The following FARP1 variants were observed in gnomAD, a reference collection of about 807,000 sequenced individuals.
FARP1 encodes the protein FERM, ARH/RhoGEF and pleckstrin domain protein 1, also known as FERM, ARHGEF and pleckstrin domain-containing protein 1.
Under a neutral mutation model 128.8 loss-of-function variants are expected in FARP1, and 52 were observed. The ratio of observed to expected loss-of-function variants is 0.40; its 90% CI spans 0.32 to 0.51. FARP1 has a LOEUF of 0.51. Among genes scored for constraint, FARP1 ranks in the 20% least tolerant of loss-of-function variants. The pLI is 0.45. For synonymous variants in FARP1, 580 were observed against 551.8 expected (o/e 1.05, Z -0.72); for missense variants, 1,333 against 1,367.9 (o/e 0.97, Z 0.40).
At chr13:98,277,918 T>C (rs1884735059) in intron 2 of FARP1, among the ~76,000 whole-genome samples, 1 of 103,458 alleles carries the variant, frequency 9.7e-6, no homozygotes, top group Admixed American at 9.6e-5. Context: ...GGTGATTCTA[T>C]TGTGCAGCGA....
chr13:98,269,739 C>T (rs1884297126), intron 2 of FARP1, among the ~76,000 whole-genome samples: 1 of 152,160 alleles, frequency 6.6e-6, no homozygotes, highest in African/African-American at 2.4e-5. Context: ...ACTACTGGGA[C>T]TATATTGCCT....
intron 2 of FARP1, among the ~76,000 whole-genome samples, chr13:98,239,570 G>A (rs1882643386): frequency 6.6e-6 from 1 of 152,190 alleles, no homozygotes; most frequent in Non-Finnish European, 1.5e-5. Context: ...CTGATCTCCA[G>A]CATGAGTGGG....
At chr13:98,210,507 T>A (rs1015768273) in intron 1 of FARP1, among the ~76,000 whole-genome samples, 1 of 151,974 alleles carries the variant, frequency 6.6e-6, no homozygotes, top group African/African-American at 2.4e-5. Context: ...CTGCCCTGAT[T>A]TCAAACTTTC....
At chr13:98,366,028 T>C (rs1594450056) in intron 4 of FARP1, among the ~76,000 whole-genome samples, 1 of 152,206 alleles carries the variant, frequency 6.6e-6, no homozygotes, top group East Asian at 1.9e-4. Context: ...AGAAAAAGAA[T>C]GCTTCCTTTT....
At chr13:98,142,636 C>T (rs1397488572), upstream of FARP1, 1 of 152,366 alleles carries the variant, frequency 6.6e-6, no homozygotes, top group Non-Finnish European at 1.5e-5. Context: ...TCGGTGGGTC[C>T]CTGAAGACTG....
intron 13 of FARP1, chr13:98,403,222 C>T (rs1223987492): frequency 1.3e-5 from 2 of 152,110 alleles, no homozygotes; most frequent in African/African-American, 2.4e-5. Context: ...TGGGTGATGC[C>T]ATATTTCACT....
At chr13:98,344,650 A>C (rs1423001457) in intron 3 of FARP1, among the ~76,000 whole-genome samples, 1 of 152,182 alleles carries the variant, frequency 6.6e-6, no homozygotes, top group Admixed American at 6.5e-5. Flanking sequence ...GGATGAGAAC[A>C]TTCATTGTGA....
At position 98,369,101 on chromosome 13, in the gene FARP1, T is replaced by G. The variant is rs1889221497; in HGVS notation, c.398+906T>G. Among the ~76,000 whole-genome samples, 4 of 152,032 alleles carry G rather than the reference T, an allele frequency of 2.6e-5. No homozygotes were observed. The South Asian group carries it at 6.2e-4, about 24-fold the overall frequency. On this transcript the variant is annotated intron_variant, in intron 5 of 26. Transcript: ENST00000319562. ...CCACCACACCCAGCTAATTTTATATTTTTAGTAGAGACAGCATTTCACCAT... is the reference window on the plus strand; with the variant it reads ...CCACCACACCCAGCTAATTTTATATGTTTAGTAGAGACAGCATTTCACCAT...
chr13:98,248,245 A>G (rs143261152), intron 2 of FARP1, among the ~76,000 whole-genome samples: 1 of 142,800 alleles, frequency 7.0e-6, no homozygotes, highest in East Asian at 2.2e-4. Context: ...TTCTCTCTGA[A>G]ATATTCTGTG....
chr13:98,435,413 C>T (rs1892215808), intron 18 of FARP1, 163 bp from the exon 19 acceptor site: 1 of 643,866 alleles, frequency 1.6e-6, no homozygotes. Context: ...AATACACCAT[C>T]AATTTTTATT....
chr13:98,342,380 C>T (rs1888007832), intron 2 of FARP1, among the ~76,000 whole-genome samples: 1 of 152,226 alleles, frequency 6.6e-6, no homozygotes, highest in Non-Finnish European at 1.5e-5. Context: ...TACATCCAGA[C>T]AGTGGAATAT....
chr13:98,363,064 C>G (rs1387256678), intron 3 of FARP1, among the ~76,000 whole-genome samples: 3 of 152,226 alleles, frequency 2.0e-5, no homozygotes, highest in Non-Finnish European at 4.4e-5. Flanking sequence ...AACCTGTTCT[C>G]ACGCTGCCAG....
At chr13:98,257,000 T>G (rs1883651167) in intron 2 of FARP1, among the ~76,000 whole-genome samples, 1 of 138,744 alleles carries the variant, frequency 7.2e-6, no homozygotes, top group African/African-American at 2.6e-5. Flanking sequence ...TACCGAAAGA[T>G]TTCCCTTCTG....
intron 16 of FARP1, among the ~76,000 whole-genome samples, chr13:98,423,585 G>C (rs1229345729): frequency 3.3e-5 from 5 of 152,186 alleles, no homozygotes; most frequent in Non-Finnish European, 7.3e-5. Flanking sequence ...GCTATGCACT[G>C]GCACAACGGT....
intron 13 of FARP1, chr13:98,401,865 T>A (rs1319192223): frequency 6.6e-6 from 1 of 152,160 alleles, no homozygotes. Context: ...CATTTCGGTG[T>A]AGATTGGCCA....
intron 13 of FARP1, chr13:98,401,526 G>C (rs1420873239): frequency 6.7e-6 from 1 of 149,408 alleles, no homozygotes; most frequent in Non-Finnish European, 1.5e-5. Flanking sequence ...CTTGAAAAGG[G>C]CAACTTTGTC....
At chr13:98,232,056 C>T (rs943482397) in intron 2 of FARP1, among the ~76,000 whole-genome samples, 1 of 151,410 alleles carries the variant, frequency 6.6e-6, no homozygotes, top group Non-Finnish European at 1.5e-5. Flanking sequence ...TCTTGAACTT[C>T]TGACCTCAGG....
chr13:98,361,042 G>A (rs1186457686), intron 3 of FARP1, among the ~76,000 whole-genome samples: 2 of 152,152 alleles, frequency 1.3e-5, no homozygotes, highest in African/African-American at 2.4e-5. Context: ...AGCTCCGCTC[G>A]CCTCCCTGTG....
intron 13 of FARP1, chr13:98,403,261 C>T (rs1401510976): frequency 6.6e-6 from 1 of 152,194 alleles, no homozygotes; most frequent in Non-Finnish European, 1.5e-5. Flanking sequence ...GTGAACTTTG[C>T]TCTTCCAACA....
Sources: gnomAD v4.1 joint callset for allele counts (sites outside exome capture counted in the v4.1 genomes callset) on GRCh38, gnomAD v4.1.1 for gene constraint, MANE v1.5 for transcripts, NCBI Gene and HGNC (gene_info 2026-07-23, HGNC 2026-07-21) for gene names.